The following GLB1 variants were observed in gnomAD, a reference collection of about 807,000 sequenced individuals.
GLB1 encodes beta-galactosidase.
GLB1 carries 56 observed loss-of-function variants against 74.0 expected under a neutral mutation model. The observed-to-expected ratio is 0.76, with a 90% CI of 0.61 to 0.94. The LOEUF is 0.94. GLB1 is among the 40% of genes least tolerant of loss of function. The probability of loss-of-function intolerance (pLI) is 0.00; values close to 1 mark genes in which losing one functional copy is unlikely to be tolerated. For synonymous variants in GLB1, 323 were observed against 323.6 expected (o/e 1.00, Z 0.02); for missense variants, 787 against 845.5 (o/e 0.93, Z 0.86).
At chr3:33,021,277 A>G (rs1697465877) in intron 12 of GLB1, 1 of 457,174 alleles carries the variant, frequency 2.2e-6, no homozygotes, top group African/African-American at 2.0e-5. Flanking sequence ...AAGATTAATT[A>G]GATTGGTCAG....
At chr3:32,994,690 G>A (rs917985105), downstream of GLB1, among the ~76,000 whole-genome samples, 24 of 152,126 alleles carry the variant, frequency 1.6e-4, no homozygotes, top group Non-Finnish European at 2.8e-4. Flanking sequence ...GGAGGCCCAG[G>A]TGGGTGGATA....
At chr3:32,988,109 C>A in the GLB1 span, among the ~76,000 whole-genome samples, 4 of 149,742 alleles carry the variant, frequency 2.7e-5, no homozygotes, top group South Asian at 6.3e-4. Flanking sequence ...TTGCTTGAAC[C>A]CAGGAGGCAG....
At chr3:33,087,841 T>C (rs1438588953) in intron 1 of GLB1, among the ~76,000 whole-genome samples, 1 of 150,776 alleles carries the variant, frequency 6.6e-6, no homozygotes, top group Non-Finnish European at 1.5e-5. Context: ...CTGGTGAATA[T>C]TGATGCAAAA....
chr3:33,020,158 A>G (rs920393007), intron 12 of GLB1, among the ~76,000 whole-genome samples: 5 of 152,190 alleles, frequency 3.3e-5, no homozygotes, highest in Non-Finnish European at 7.4e-5. Flanking sequence ...AGTACCCTAT[A>G]CAACGTTCAT....
At chr3:32,990,655 C>T in the GLB1 span, among the ~76,000 whole-genome samples, 12 of 152,116 alleles carry the variant, frequency 7.9e-5, no homozygotes, top group Admixed American at 3.9e-4. Context: ...AGGTGGTCCA[C>T]GACAGCCAAA....
intron 1 of GLB1, among the ~76,000 whole-genome samples, chr3:33,084,030 T>C (rs75403942): frequency 0.017 from 2,590 of 152,288 alleles, 63 homozygotes; most frequent in East Asian, 0.075. Flanking sequence ...GAAGATGATC[T>C]GTCTTCAGGT....
At chr3:33,040,407 C>G (rs181874553) in intron 10 of GLB1, among the ~76,000 whole-genome samples, 41 of 152,138 alleles carry the variant, frequency 2.7e-4, no homozygotes, top group African/African-American at 9.6e-4. Flanking sequence ...GAGTTCAATA[C>G]CAGCCTAGGC....
At chr3:32,979,901 T>A in the GLB1 span, among the ~76,000 whole-genome samples, 1 of 151,346 alleles carries the variant, frequency 6.6e-6, no homozygotes, top group African/African-American at 2.4e-5. Context: ...TTTAAGAGAT[T>A]AAATTTTTTC....
At chr3:33,046,384 C>T in intron 9 of GLB1, 152 bp from the exon 10 acceptor site, 1 of 884,286 alleles carries the variant, frequency 1.1e-6, no homozygotes, top group South Asian at 1.6e-5. Flanking sequence ...CCTCAGGATG[C>T]AACGTTTAGA....
Position 33,093,782 on chromosome 3 carries a change from C to T in GLB1, c.75+3229G>A, listed in dbSNP as rs755557076. The T allele has an allele frequency of 6.2e-7, 1 of 1,613,426 alleles. No individual in the cohort carries two copies. The highest frequency in any genetic ancestry group is 1.1e-5 in the South Asian group (1 of 90,976). On this transcript the variant is annotated intron_variant, in intron 1 of 15. Transcript: ENST00000307363. This position sits in a 1 kb window ranked among gnomAD's most constrained non-coding sequence, Gnocchi z 6.0. Reference sequence around the variant, plus strand: ...AGGCCAAGAGCTGGTAGGCCTGCTCCATGCCGCTGAGGATGAAGAGGAAGA... The same window carrying T: ...AGGCCAAGAGCTGGTAGGCCTGCTCTATGCCGCTGAGGATGAAGAGGAAGA...
the GLB1 span, among the ~76,000 whole-genome samples, chr3:32,977,500 G>T: frequency 6.6e-6 from 1 of 152,102 alleles, no homozygotes; most frequent in African/African-American, 2.4e-5. Flanking sequence ...GAGCCACTGT[G>T]CCTGGCCAAA....
the GLB1 span, among the ~76,000 whole-genome samples, chr3:32,990,952 C>T: frequency 7.2e-5 from 11 of 151,960 alleles, no homozygotes; most frequent in South Asian, 2.3e-3. Context: ...CCAGCCTGGG[C>T]GACAGAGTGA....
the GLB1 span, among the ~76,000 whole-genome samples, chr3:32,962,905 G>A: frequency 4.0e-5 from 6 of 151,874 alleles, no homozygotes; most frequent in East Asian, 7.7e-4. Context: ...TATTCTTCAA[G>A]ACATATTAAT....
At chr3:32,983,585 G>T in the GLB1 span, among the ~76,000 whole-genome samples, 1 of 152,132 alleles carries the variant, frequency 6.6e-6, no homozygotes, top group African/African-American at 2.4e-5. Context: ...GGCCTATGTG[G>T]ATTTGTCTCT....
chr3:33,089,086 G>C (rs1233303875), intron 1 of GLB1, among the ~76,000 whole-genome samples: 2 of 152,178 alleles, frequency 1.3e-5, no homozygotes, highest in Non-Finnish European at 2.9e-5. Context: ...TCACAGGCAA[G>C]AGAATGAAGT....
At chr3:33,044,549 T>C (rs2125511521) in intron 10 of GLB1, among the ~76,000 whole-genome samples, 1 of 152,196 alleles carries the variant, frequency 6.6e-6, no homozygotes, top group Admixed American at 6.5e-5. Context: ...AGGGAGAGCT[T>C]GGGAGACATT....
rs1575453529 is a variant in GLB1, at chr3:33,053,413, G to C, written c.792+78C>G. The C allele has an allele frequency of 3.7e-6, 6 of 1,605,808 alleles. No individual in the cohort carries two copies. In the East Asian group the frequency reaches 1.3e-4, roughly 36 times the overall value. ...GACTCCAGAGCCAAAAACATCAAGGGCCTACTGCCCAGTTTCAGCAGCATG... is the reference window on the plus strand; with the variant it reads ...GACTCCAGAGCCAAAAACATCAAGGCCCTACTGCCCAGTTTCAGCAGCATG... On this transcript the variant is annotated intron_variant, in intron 7 of 15. Coordinates refer to ENST00000307363, the MANE Select transcript of GLB1 (RefSeq NM_000404.4).
intron 1 of GLB1, chr3:33,092,514 G>C: frequency 9.0e-7 from 1 of 1,108,320 alleles, no homozygotes; most frequent in Non-Finnish European, 1.1e-6. Context: ...AACCCCGAGG[G>C]GAGGTTCATC....
chr3:32,976,596 A>G, the GLB1 span, among the ~76,000 whole-genome samples: 1 of 152,172 alleles, frequency 6.6e-6, no homozygotes, highest in East Asian at 1.9e-4. Context: ...CATGGGAGGC[A>G]GCAGTGCCGG....
Sources: allele counts gnomAD v4.1 joint callset (sites outside exome capture counted in the v4.1 genomes callset), GRCh38; gene constraint gnomAD v4.1.1; non-coding constraint Gnocchi (gnomAD v3.1); transcripts MANE v1.5; gene names NCBI Gene and HGNC (gene_info 2026-07-23, HGNC 2026-07-21).